The following CACNA2D1 variants were observed in gnomAD, a reference collection of about 807,000 sequenced individuals.
The protein encoded by CACNA2D1 is voltage-dependent calcium channel subunit alpha-2/delta-1.
Under a neutral mutation model 171.5 loss-of-function variants are expected in CACNA2D1, and 53 were observed. That is an observed-to-expected ratio of 0.31 (90% CI 0.25 to 0.39). The LOEUF is 0.39. Among genes scored for constraint, CACNA2D1 ranks in the 10% least tolerant of loss-of-function variants. The pLI, the probability that CACNA2D1 is intolerant of heterozygous loss-of-function variation, is 1.00. For synonymous variants in CACNA2D1, 442 were observed against 443.1 expected (o/e 1.00, Z 0.03); for missense variants, 903 against 1,299.8 (o/e 0.69, Z 4.69).
At chr7:82,421,002 G>T (rs930116225) in intron 1 of CACNA2D1, among the ~76,000 whole-genome samples, 1 of 151,966 alleles carries the variant, frequency 6.6e-6, no homozygotes, top group South Asian at 2.1e-4. Flanking sequence ...GGGTATTCAG[G>T]TATCTACAAT....
At chr7:81,967,452 C>T in intron 30 of CACNA2D1, 144 bp downstream of exon 30, 3 of 645,234 alleles carry the variant, frequency 4.6e-6, no homozygotes, top group Non-Finnish European at 8.2e-6. Context: ...ACAAAAAAAG[C>T]TTTGAAAAAA....
At chr7:82,130,300 T>G (rs1422390266) in intron 5 of CACNA2D1, among the ~76,000 whole-genome samples, 2 of 152,238 alleles carry the variant, frequency 1.3e-5, no homozygotes, top group African/African-American at 4.8e-5. Flanking sequence ...AGGAGAAACT[T>G]TCATTTCACT....
chr7:81,982,771 A>G (rs781449866), intron 23 of CACNA2D1, 144 bp from the exon 24 acceptor site: 4 of 716,174 alleles, frequency 5.6e-6, no homozygotes, highest in Admixed American at 1.9e-5. Flanking sequence ...AAACATATCA[A>G]TGAATATAAA....
At chr7:82,175,505 A>C (rs1002446677) in intron 3 of CACNA2D1, among the ~76,000 whole-genome samples, 1 of 152,042 alleles carries the variant, frequency 6.6e-6, no homozygotes, top group Non-Finnish European at 1.5e-5. Flanking sequence ...TACTATCTTC[A>C]TCAAACGGTT....
At chr7:82,267,756 A>T (rs1808057686) in intron 3 of CACNA2D1, among the ~76,000 whole-genome samples, 1 of 152,154 alleles carries the variant, frequency 6.6e-6, no homozygotes, top group Non-Finnish European at 1.5e-5. Context: ...GCACTTTGGG[A>T]GGCCGAGGTG....
In CACNA2D1 at chr7:82,362,413, A is replaced by T. The variant is rs370344629; in HGVS notation, c.96-12764T>A. On this transcript the variant is annotated intron_variant, in intron 1 of 38. Coordinates refer to ENST00000356860, the MANE Select transcript of CACNA2D1 (RefSeq NM_000722.4). ...TCAGCAGCCTCCCACAGGCCTGACA[A>T]CCCTTATATTCTCTCTCAAAATGTT... 6.8e-4 allele frequency among the ~76,000 whole-genome samples: 103 copies of T among 152,166 alleles called. 1 individual carries two copies. Among genetic ancestry groups the T allele is most frequent in the African/African-American group, 2.3e-3 (97 of 41,526 alleles).
intron 10 of CACNA2D1, among the ~76,000 whole-genome samples, chr7:82,055,453 C>T (rs1284587927): frequency 3.9e-5 from 6 of 152,018 alleles, no homozygotes. Context: ...GCTATAAAGA[C>T]ACATGCACAC....
At chr7:82,423,600 T>C (rs1395118163) in intron 1 of CACNA2D1, among the ~76,000 whole-genome samples, 1 of 152,174 alleles carries the variant, frequency 6.6e-6, no homozygotes, top group Non-Finnish European at 1.5e-5. Flanking sequence ...CCTCGTCAAA[T>C]AGCAGGCTTC....
At chr7:81,983,366 GAAAC>G in intron 22 of CACNA2D1, 32 bp from the exon 23 acceptor site, 2 of 1,576,762 alleles carry the variant, frequency 1.3e-6, no homozygotes, top group African/African-American at 2.8e-5. Flanking sequence ...AGAAAGCAGG[GAAAC>G]AAAAAAAAAA....
chr7:81,961,107 A>G (rs1794061829), intron 36 of CACNA2D1, among the ~76,000 whole-genome samples: 1 of 151,762 alleles, frequency 6.6e-6, no homozygotes, highest in South Asian at 2.1e-4. Flanking sequence ...TTCTTCCGCT[A>G]TGGTAACATT....
Position 82,261,158 on chromosome 7 carries a change from T to C in CACNA2D1, c.294+73977A>G, listed in dbSNP as rs1807039939. Among the ~76,000 whole-genome samples, 3 of 152,184 alleles carry C rather than the reference T, an allele frequency of 2.0e-5. 1 individual carries two copies. In the South Asian group the frequency reaches 6.2e-4, roughly 31 times the overall value. On this transcript the variant is annotated intron_variant, in intron 3 of 38. Transcript: ENST00000356860. ...TTAGTAGAGACAGGGTTTTACCATG[T>C]TGGCCAGGCTGGTCTTGAACTCCCG...
chr7:82,377,088 G>A (rs1585715970), intron 1 of CACNA2D1, among the ~76,000 whole-genome samples: 1 of 152,120 alleles, frequency 6.6e-6, no homozygotes, highest in Non-Finnish European at 1.5e-5. Flanking sequence ...TTCCACTAGA[G>A]CTAATCCATT....
chr7:82,330,225 G>C (rs1817151540), intron 3 of CACNA2D1, among the ~76,000 whole-genome samples: 1 of 152,032 alleles, frequency 6.6e-6, no homozygotes, highest in Non-Finnish European at 1.5e-5. Flanking sequence ...AAGTAGTTTA[G>C]AGTCAAACAT....
chr7:82,388,921 G>GGGAGTTT (rs1434097737), intron 1 of CACNA2D1, among the ~76,000 whole-genome samples: 62 of 151,980 alleles, frequency 4.1e-4, no homozygotes, highest in Non-Finnish European at 6.8e-4. Flanking sequence ...TTTGGGACCA[G>GGGAGTTT]CCTAGCCAAC....
At chr7:82,114,958 C>T (rs1318926686) in intron 6 of CACNA2D1, among the ~76,000 whole-genome samples, 1 of 152,092 alleles carries the variant, frequency 6.6e-6, no homozygotes, top group African/African-American at 2.4e-5. Flanking sequence ...CTTAAAATAT[C>T]TTGTGGACAT....
intron 4 of CACNA2D1, among the ~76,000 whole-genome samples, chr7:82,169,537 T>A (rs1018208742): frequency 2.0e-5 from 3 of 152,048 alleles, no homozygotes; most frequent in African/African-American, 7.2e-5. Context: ...TAAATATCAT[T>A]TAGTGCATTT....
Position 82,301,770 on chromosome 7 carries a change from CACAT to C in CACNA2D1, c.294+33361_294+33364del, listed in dbSNP as rs879570422. Reference sequence around the variant, plus strand: ...ACACACACACACACACACACACACACACATAGAGAGAGAGAGACAGAGGCTCTCC... The same window carrying C: ...ACACACACACACACACACACACACACAGAGAGAGAGAGACAGAGGCTCTCC... On this transcript the variant is annotated intron_variant, in intron 3 of 38. Transcript: ENST00000356860. 3.9e-3 allele frequency among the ~76,000 whole-genome samples: 551 copies of C among 142,058 alleles called. 14 individuals are homozygous for C. The highest frequency in any genetic ancestry group is 0.034 in the Admixed American group (482 of 14,254). 93.2% of individuals were successfully genotyped at this position (142,058 alleles called of 152,430 possible).
intron 2 of CACNA2D1, among the ~76,000 whole-genome samples, chr7:82,346,289 G>A (rs1819244497): frequency 6.6e-6 from 1 of 152,100 alleles, no homozygotes. Flanking sequence ...CTGTACCCCA[G>A]CTTATACAAT....
chr7:82,005,964 G>C (rs1407728804), intron 16 of CACNA2D1, 125 bp from the exon 17 acceptor site: 1 of 712,944 alleles, frequency 1.4e-6, no homozygotes. Context: ...TGTATATATA[G>C]GGTGAAGCAC....
Sources: gnomAD v4.1 joint callset for allele counts (sites outside exome capture counted in the v4.1 genomes callset) on GRCh38, gnomAD v4.1.1 for gene constraint, MANE v1.5 for transcripts, NCBI Gene and HGNC (gene_info 2026-07-23, HGNC 2026-07-21) for gene names.